TFAP2C: variants seen among roughly 807,000 people sequenced by gnomAD.
The protein encoded by TFAP2C is transcription factor AP-2 gamma, also known as activating enhancer-binding protein 2 gamma.
TFAP2C carries 9 observed loss-of-function variants against 42.9 expected under a neutral mutation model. That is an observed-to-expected ratio of 0.21 (90% CI 0.13 to 0.37). The LOEUF is 0.37. Ranked by LOEUF, TFAP2C falls within the 10% of genes least tolerant of loss-of-function variation. The pLI is 1.00. For synonymous variants in TFAP2C, 264 were observed against 256.0 expected (o/e 1.03, Z -0.30); for missense variants, 462 against 591.7 (o/e 0.78, Z 2.27).
rs1340407305 is a variant in TFAP2C at position 56,631,306 on chromosome 20, A to C, written c.150A>C (p.Gly50=). The C allele has an allele frequency of 1.2e-6, 2 of 1,607,536 alleles. No individual in the cohort carries two copies. The highest frequency in any genetic ancestry group is 2.7e-5 in the African/African-American group (2 of 74,208). Reference sequence around the variant, plus strand: ...CCGCGCCACCCCTCTCCCACACTGGAGTCGCCGAATATCAGCCGCCACCCT... The same window carrying C: ...CCGCGCCACCCCTCTCCCACACTGGCGTCGCCGAATATCAGCCGCCACCCT... ...YSPAPPLSHT[G]VAEYQPPPYF... Residue 50 remains glycine (G), a synonymous_variant, in exon 2 of 7, where the codon GGA becomes GGC. Transcript: ENST00000201031. The surrounding 1 kb of genome is among the most constrained non-coding windows in gnomAD (Gnocchi z 6.1).
chr20:56,631,062 G>A lies in TFAP2C; in HGVS notation c.49-143G>A. 1 of 1,426,982 alleles carries A rather than the reference G, an allele frequency of 7.0e-7. No individual in the cohort carries two copies. The highest frequency in any genetic ancestry group is 9.1e-7 in the Non-Finnish European group (1 of 1,098,716). 88.4% of individuals were successfully genotyped at this position (1,426,982 alleles called of 1,614,324 possible). On this transcript the variant is annotated intron_variant, in intron 1 of 6. Transcript: ENST00000201031. The surrounding 1 kb of genome is among the most constrained non-coding windows in gnomAD (Gnocchi z 6.1). ...AATCCTCGGGGCGCATTGCCCCCGGGTACCTTCCGACCCTGGGCAAGCCCC... is the reference window on the plus strand; with the variant it reads ...AATCCTCGGGGCGCATTGCCCCCGGATACCTTCCGACCCTGGGCAAGCCCC...
chr20:56,635,761 T>C (rs1219904117), intron 5 of TFAP2C, among the ~76,000 whole-genome samples: 3 of 152,202 alleles, frequency 2.0e-5, no homozygotes, highest in African/African-American at 4.8e-5. Context: ...TCAGTATCCA[T>C]GGGGCACTGG....
Position 56,633,505 on chromosome 20 carries a change from G to A in TFAP2C, c.739G>A (p.Val247Ile), listed in dbSNP as rs747475882. 1 of 1,614,090 alleles carries A rather than the reference G, an allele frequency of 6.2e-7. No homozygotes were observed. Among genetic ancestry groups the A allele is most frequent in the Non-Finnish European group, 8.5e-7 (1 of 1,180,044 alleles). ...TAAATACAAAGTGACAGTGGCTGAA[G>A]TACAGAGGCGACTGTCCCCACCTGA... is the stretch of plus-strand genomic sequence containing the variant. ...TSKYKVTVAE[V>I]QRRLSPPECL... The change falls in exon 4 of 7, where the codon GTA becomes ATA. Residue 247 changes from valine (V) to isoleucine (I), a missense_variant. Around this residue, in one of 5 missense-constraint regions of TFAP2C, gnomAD observed 40 missense variants for 106.8 expected, o/e 0.37. Coordinates refer to ENST00000201031, the MANE Select transcript of TFAP2C (RefSeq NM_003222.4).
chr20:56,634,626 A>G (rs1987551213), intron 5 of TFAP2C, among the ~76,000 whole-genome samples: 1 of 152,174 alleles, frequency 6.6e-6, no homozygotes. Flanking sequence ...ACCTTGAGTA[A>G]AAGCTGGTTA....
chr20:56,630,448 G>T lies in TFAP2C; in HGVS notation c.49-757G>T. ...ACTGAGTCGGGCCGCCCAGGGGCGAGGGAACGTGCGCGGGCAAGGCTGCCC... is the reference window on the plus strand; with the variant it reads ...ACTGAGTCGGGCCGCCCAGGGGCGATGGAACGTGCGCGGGCAAGGCTGCCC... On this transcript the variant is annotated intron_variant, in intron 1 of 6. Transcript: ENST00000201031. This position sits in a 1 kb window ranked among gnomAD's most constrained non-coding sequence, Gnocchi z 5.1. The T allele has an allele frequency of 2.5e-6, 1 of 396,874 alleles. No individual in the cohort carries two copies. Among genetic ancestry groups the T allele is most frequent in the Non-Finnish European group, 5.2e-6 (1 of 192,802 alleles). The allele number at this position is 396,874 out of a possible 1,614,324, so 24.6% of individuals were successfully genotyped here.
At position 56,630,237 on chromosome 20, in the gene TFAP2C, G is replaced by GCT. The variant is rs1344082458; in HGVS notation, c.48+647_48+648dup. On this transcript the variant is annotated intron_variant, in intron 1 of 6. Transcript: ENST00000201031. This position sits in a 1 kb window ranked among gnomAD's most constrained non-coding sequence, Gnocchi z 5.1. The stretch of plus-strand genomic sequence containing the variant: ...AGAAGACGCAGGCAGCGCTAGGCGA[G>GCT]CTCAGGGGCGCCGGGAGCGCGGAGC... 1 of 299,618 alleles carries GCT rather than the reference G, an allele frequency of 3.3e-6. No individual in the cohort carries two copies. The highest frequency in any genetic ancestry group is 6.9e-6 in the Non-Finnish European group (1 of 145,626). The allele number at this position is 299,618 out of a possible 1,614,324, so 18.6% of individuals were successfully genotyped here. A position where few individuals can be genotyped will look rare whatever the true frequency, so the allele number is the denominator to read the frequency against.
Position 56,638,907 on chromosome 20 carries a change from G to C in TFAP2C, c.*894G>C, listed in dbSNP as rs1987637399. On this transcript the variant is annotated 3_prime_UTR_variant, in exon 7 of 7. Coordinates refer to ENST00000201031, the MANE Select transcript of TFAP2C (RefSeq NM_003222.4). Reference sequence around the variant, plus strand: ...GATTTTATTTATGCGTAATTTAATGGGGTCTGTAAATACTGGTGCACTTCT... The same window carrying C: ...GATTTTATTTATGCGTAATTTAATGCGGTCTGTAAATACTGGTGCACTTCT... 1 of 152,416 alleles carries C rather than the reference G, an allele frequency of 6.6e-6. No individual in the cohort carries two copies. The highest frequency in any genetic ancestry group is 1.5e-5 in the Non-Finnish European group (1 of 68,020). 9.4% of individuals were successfully genotyped at this position (152,416 alleles called of 1,614,324 possible).
rs1731803579 is a variant in TFAP2C, at chr20:56,639,101, C to T, written c.*1088C>T. 6.6e-6 allele frequency: 1 copy of T among 152,612 alleles called. No individual in the cohort carries two copies. Among genetic ancestry groups the T allele is most frequent in the Non-Finnish European group, 1.5e-5 (1 of 68,038 alleles). The allele number at this position is 152,612 out of a possible 1,614,324, so 9.5% of individuals were successfully genotyped here. On this transcript the variant is annotated 3_prime_UTR_variant, in exon 7 of 7. Coordinates refer to ENST00000201031, the MANE Select transcript of TFAP2C (RefSeq NM_003222.4). Reference sequence around the variant, plus strand: ...GAAGATTCTATTTAATTGAAACTCTCTGTTCAGAAAGCAATAACTTTGTCT... The same window carrying T: ...GAAGATTCTATTTAATTGAAACTCTTTGTTCAGAAAGCAATAACTTTGTCT...
rs980924160 is a variant in TFAP2C, at chr20:56,629,623, C to T, written c.48+31C>T. On this transcript the variant is annotated intron_variant, in intron 1 of 6. Transcript: ENST00000201031. This position sits in a 1 kb window ranked among gnomAD's most constrained non-coding sequence, Gnocchi z 5.9. ...CTGGGGCTCCGGGGTGCAGCCCCGCCCCGCCGAGGACAGTCCGGGAGGCAG... is the reference window on the plus strand; with the variant it reads ...CTGGGGCTCCGGGGTGCAGCCCCGCTCCGCCGAGGACAGTCCGGGAGGCAG... The T allele has an allele frequency of 2.1e-6, 3 of 1,400,468 alleles. No homozygotes were observed. The highest frequency in any genetic ancestry group is 2.8e-5 in the Admixed American group (1 of 35,136). 86.8% of individuals were successfully genotyped at this position (1,400,468 alleles called of 1,614,324 possible).
chr20:56,631,695 G>A lies in TFAP2C; in HGVS notation c.534+5G>A. 6.3e-7 allele frequency: 1 copy of A among 1,593,096 alleles called. No homozygotes were observed. The highest frequency in any genetic ancestry group is 1.1e-5 in the South Asian group (1 of 87,958). ...CACCAGATGGACGAGGTGCAGGTGAGCGGCGCTGCGGCTCCTGACCGGACC... is the reference window on the plus strand; with the variant it reads ...CACCAGATGGACGAGGTGCAGGTGAACGGCGCTGCGGCTCCTGACCGGACC... On this transcript the variant is annotated splice_donor_5th_base_variant and intron_variant, in intron 2 of 6. Transcript: ENST00000201031. This position sits in a 1 kb window ranked among gnomAD's most constrained non-coding sequence, Gnocchi z 6.1.
In TFAP2C at chr20:56,630,617, A is replaced by T; in HGVS notation, c.49-588A>T. The T allele has an allele frequency of 1.1e-6, 1 of 918,170 alleles. No homozygotes were observed. The highest frequency in any genetic ancestry group is 1.3e-6 in the Non-Finnish European group (1 of 768,760). 56.9% of individuals were successfully genotyped at this position (918,170 alleles called of 1,614,324 possible). A position where few individuals can be genotyped will look rare whatever the true frequency, so the allele number is the denominator to read the frequency against. On this transcript the variant is annotated intron_variant, in intron 1 of 6. Coordinates refer to ENST00000201031, the MANE Select transcript of TFAP2C (RefSeq NM_003222.4). The surrounding 1 kb of genome is among the most constrained non-coding windows in gnomAD (Gnocchi z 5.1). ...CGCCCTGTGCGCGCGCTCCCTCTTC[A>T]CTTCCCAGGGCGGCGCAGGGTGGCG...
Position 56,637,772 on chromosome 20 carries a change from C to T in TFAP2C, c.1112C>T (p.Thr371Ile). 1 of 1,614,202 alleles carries T rather than the reference C, an allele frequency of 6.2e-7. No individual in the cohort carries two copies. The highest frequency in any genetic ancestry group is 8.5e-7 in the Non-Finnish European group (1 of 1,180,040). ...EFTELLSQDR[T>I]PHGTSRLAPV... is the part of the protein sequence containing the mutation. The stretch of plus-strand genomic sequence containing the variant: ...ACAGAACTTCTCAGCCAAGACCGGA[C>T]ACCCCATGGGACCAGCAGGCTCGCC... The change falls in exon 7 of 7, where the codon ACA becomes ATA. Residue 371 changes from threonine to isoleucine, a missense_variant. Thr to Ile is a moderately conservative substitution (Grantham distance 89). Around this residue, in one of 5 missense-constraint regions of TFAP2C, gnomAD observed 130 missense variants for 160.8 expected, o/e 0.81. Coordinates refer to ENST00000201031, the MANE Select transcript of TFAP2C (RefSeq NM_003222.4).
intron 5 of TFAP2C, among the ~76,000 whole-genome samples, chr20:56,636,218 A>G (rs552057520): frequency 4.2e-4 from 64 of 152,312 alleles, no homozygotes; most frequent in African/African-American, 1.5e-3. Flanking sequence ...CATGCAACGT[A>G]TGACTGGTAG....
In TFAP2C at chr20:56,630,961, G is replaced by T; in HGVS notation, c.49-244G>T. ...TGGGAGCAGCGCCTAGACCTTCGCC[G>T]CCGGGCTTTGAGAACTCGTTCCCCC... On this transcript the variant is annotated intron_variant, in intron 1 of 6. Transcript: ENST00000201031. This position sits in a 1 kb window ranked among gnomAD's most constrained non-coding sequence, Gnocchi z 5.1. The T allele has an allele frequency of 1.0e-6, 1 of 985,378 alleles. No homozygotes were observed. The highest frequency in any genetic ancestry group is 1.2e-6 in the Non-Finnish European group (1 of 829,902). The allele number at this position is 985,378 out of a possible 1,614,324, so 61.0% of individuals were successfully genotyped here. A position where few individuals can be genotyped will look rare whatever the true frequency, so the allele number is the denominator to read the frequency against.
At chr20:56,634,842 G>T (rs985865057) in intron 5 of TFAP2C, among the ~76,000 whole-genome samples, 4 of 152,210 alleles carry the variant, frequency 2.6e-5, no homozygotes, top group African/African-American at 9.6e-5. Context: ...AAGATAGTAG[G>T]ACATAGCATT....
intron 4 of TFAP2C, 54 bp from the exon 5 acceptor site, chr20:56,634,096 G>T: frequency 8.3e-7 from 1 of 1,204,394 alleles, no homozygotes; most frequent in South Asian, 1.2e-5. Context: ...AAGTGTGCGT[G>T]TGTATGTGTT....
At chr20:56,637,603 C>T in intron 6 of TFAP2C, 125 bp from the exon 7 acceptor site, 1 of 806,264 alleles carries the variant, frequency 1.2e-6, no homozygotes, top group South Asian at 1.8e-5. Flanking sequence ...GTATTAAATT[C>T]TCCTTCCTCG....
In TFAP2C at chr20:56,638,230, G is replaced by T; in HGVS notation, c.*217G>T. 1 of 522,238 alleles carries T rather than the reference G, an allele frequency of 1.9e-6. No individual in the cohort carries two copies. The highest frequency in any genetic ancestry group is 3.4e-6 in the Non-Finnish European group (1 of 297,032). 32.4% of individuals were successfully genotyped at this position (522,238 alleles called of 1,614,324 possible). ...TCTCCTAACTTTGGACCTATTATCA[G>T]AAGGTGACAAGTACTGGCTCTTTAT... On this transcript the variant is annotated 3_prime_UTR_variant, in exon 7 of 7. Coordinates refer to ENST00000201031, the MANE Select transcript of TFAP2C (RefSeq NM_003222.4).
At position 56,631,624 on chromosome 20, in the gene TFAP2C, G is replaced by T; in HGVS notation, c.468G>T (p.Leu156=). 2 of 1,574,862 alleles carry T rather than the reference G, an allele frequency of 1.3e-6. No homozygotes were observed. Among genetic ancestry groups the T allele is most frequent in the Non-Finnish European group, 8.6e-7 (1 of 1,167,242 alleles). The change falls in exon 2 of 7, where the codon CTG becomes CTT. Residue 156 remains leucine (L), a synonymous_variant. Transcript: ENST00000201031. This position sits in a 1 kb window ranked among gnomAD's most constrained non-coding sequence, Gnocchi z 6.1. The stretch of plus-strand genomic sequence containing the variant: ...TGCTGCTGCCCCACGCACACGCCCT[G>T]GATGCCGCGGGCCTGGCCGAGAACC... ...SDLLLPHAHA[L]DAAGLAENLG...
Sources: allele counts gnomAD v4.1 joint callset (sites outside exome capture counted in the v4.1 genomes callset), GRCh38; gene constraint gnomAD v4.1.1; regional missense constraint gnomAD v4.1.1; non-coding constraint Gnocchi (gnomAD v3.1); transcripts MANE v1.5; gene names NCBI Gene and HGNC (gene_info 2026-07-23, HGNC 2026-07-21).